The following ATP2B2 variants were observed in gnomAD, a reference collection of about 807,000 sequenced individuals.
ATP2B2 encodes the protein ATPase plasma membrane Ca2+ transporting 2, also known as plasma membrane calcium-transporting ATPase 2.
ATP2B2 carries 15 observed loss-of-function variants against 120.0 expected under a neutral mutation model. The ratio of observed to expected loss-of-function variants is 0.12; its 90% CI spans 0.08 to 0.19. The LOEUF (loss-of-function observed/expected upper bound fraction) is 0.19, where lower values mean the gene tolerates loss of function less well. ATP2B2 is among the 10% of genes least tolerant of loss of function. The pLI, the probability that ATP2B2 is intolerant of heterozygous loss-of-function variation, is 1.00. For synonymous variants in ATP2B2, 694 were observed against 700.3 expected (o/e 0.99, Z 0.14); for missense variants, 1,045 against 1,719.8 (o/e 0.61, Z 6.94).
chr3:10,548,503 T>A (rs1205075007), intron 2 of ATP2B2, among the ~76,000 whole-genome samples: 1 of 152,194 alleles, frequency 6.6e-6, no homozygotes, highest in Non-Finnish European at 1.5e-5. Context: ...TCTCAGCTAA[T>A]GATTGATGGG....
At chr3:10,581,198 A>C (rs1341081902) in intron 2 of ATP2B2, among the ~76,000 whole-genome samples, 2 of 152,232 alleles carry the variant, frequency 1.3e-5, no homozygotes, top group African/African-American at 2.4e-5. Context: ...TCTGCAACAG[A>C]TTCTATTGCA....
intron 2 of ATP2B2, among the ~76,000 whole-genome samples, chr3:10,540,451 A>C (rs938515675): frequency 2.0e-5 from 3 of 152,188 alleles, no homozygotes; most frequent in African/African-American, 7.2e-5. Flanking sequence ...TCACAATATC[A>C]AAGACTTGGA....
At chr3:10,422,466 G>A (rs2063014175) in intron 2 of ATP2B2, among the ~76,000 whole-genome samples, 1 of 152,200 alleles carries the variant, frequency 6.6e-6, no homozygotes, top group Non-Finnish European at 1.5e-5. Context: ...TGGGCAAGGT[G>A]CAGGGTAAGG....
At chr3:10,338,586 T>C (rs1346969098) in intron 21 of ATP2B2, 1 of 555,376 alleles carries the variant, frequency 1.8e-6, no homozygotes, top group African/African-American at 2.0e-5. Flanking sequence ...CAGGCTGGAG[T>C]GCAATTTGCT....
intron 2 of ATP2B2, among the ~76,000 whole-genome samples, chr3:10,438,807 C>A (rs191247631): frequency 6.6e-6 from 1 of 152,342 alleles, no homozygotes; most frequent in Admixed American, 6.5e-5. Context: ...GTCCTACTAG[C>A]ATTCGAGACG....
chr3:10,557,354 G>C (rs1373759244), intron 2 of ATP2B2, among the ~76,000 whole-genome samples: 2 of 152,250 alleles, frequency 1.3e-5, no homozygotes, highest in East Asian at 3.8e-4. Context: ...TGCTTTGCCA[G>C]ATGGGCTTGG....
chr3:10,365,587 AGAGT>A (rs1273342154), intron 12 of ATP2B2, among the ~76,000 whole-genome samples: 1 of 148,192 alleles, frequency 6.7e-6, no homozygotes, highest in African/African-American at 2.5e-5. Flanking sequence ...TCACCAGTGC[AGAGT>A]GTGTGTGTGT....
At chr3:10,335,122 C>T (rs187687170) in intron 22 of ATP2B2, among the ~76,000 whole-genome samples, 4 of 152,264 alleles carry the variant, frequency 2.6e-5, no homozygotes, top group Admixed American at 2.6e-4. Context: ...AGGAGATGAG[C>T]TTGGCAGGAG....
At chr3:10,650,116 G>A (rs1305956715) in intron 1 of ATP2B2, among the ~76,000 whole-genome samples, 1 of 152,216 alleles carries the variant, frequency 6.6e-6, no homozygotes, top group African/African-American at 2.4e-5. Flanking sequence ...AGTTTGGAGG[G>A]CTCAGAAGAA....
intron 1 of ATP2B2, among the ~76,000 whole-genome samples, chr3:10,486,326 T>TGC (rs1553616079): frequency 1.1e-4 from 12 of 104,992 alleles, no homozygotes; most frequent in African/African-American, 3.7e-4. Flanking sequence ...TGTGCGTGCG[T>TGC]GTGTGTGTGT....
In ATP2B2 at chr3:10,432,378, A is replaced by G. The variant is rs1041957317; in HGVS notation, c.199+16967T>C. 1.1e-4 allele frequency among the ~76,000 whole-genome samples: 17 copies of G among 152,296 alleles called. No individual in the cohort carries two copies. The East Asian group carries it at 3.3e-3, about 29-fold the overall frequency. On this transcript the variant is annotated intron_variant, in intron 2 of 22. Transcript: ENST00000360273. ...CCTGAAGCCTGGCAGGCTCCCAGAG[A>G]TGGTACTTGTTAGACAATTTAGGAA... is the stretch of plus-strand genomic sequence containing the variant.
chr3:10,435,679 C>T (rs1366076825), intron 2 of ATP2B2, among the ~76,000 whole-genome samples: 1 of 152,064 alleles, frequency 6.6e-6, no homozygotes, highest in East Asian at 1.9e-4. Context: ...AGCTCATTTA[C>T]TTACACTCTG....
chr3:10,462,354 A>G (rs2064528242), intron 1 of ATP2B2, among the ~76,000 whole-genome samples: 1 of 152,144 alleles, frequency 6.6e-6, no homozygotes, highest in Non-Finnish European at 1.5e-5. Flanking sequence ...CCCAGGAAGC[A>G]TCAGCATAAA....
At chr3:10,626,863 GAGACACAC>G (rs1559493842) in intron 1 of ATP2B2, 2 of 105,390 alleles carry the variant, frequency 1.9e-5, no homozygotes, top group African/African-American at 3.9e-5. Context: ...GACTGGTAGT[GAGACACAC>G]ACACACACAC....
intron 14 of ATP2B2, among the ~76,000 whole-genome samples, chr3:10,352,434 G>A (rs918262574): frequency 6.6e-6 from 1 of 152,224 alleles, no homozygotes; most frequent in Non-Finnish European, 1.5e-5. Flanking sequence ...AGGAACGGAT[G>A]CTCTAGAGGG....
At chr3:10,495,938 T>C (rs2066130382) in intron 1 of ATP2B2, among the ~76,000 whole-genome samples, 1 of 152,022 alleles carries the variant, frequency 6.6e-6, no homozygotes, top group South Asian at 2.1e-4. Flanking sequence ...CCAGCAGGAG[T>C]TGTTTCTGGA....
At chr3:10,617,847 G>A (rs1428268460) in intron 2 of ATP2B2, among the ~76,000 whole-genome samples, 2 of 151,570 alleles carry the variant, frequency 1.3e-5, no homozygotes, top group African/African-American at 4.8e-5. Flanking sequence ...AAGGGAGCAC[G>A]AGCTGGTGTG....
intron 1 of ATP2B2, among the ~76,000 whole-genome samples, chr3:10,464,231 G>A (rs1005782851): frequency 5.9e-5 from 9 of 152,128 alleles, no homozygotes; most frequent in Non-Finnish European, 1.2e-4. Context: ...ACTCCCCAGC[G>A]CAGCCGAGTC....
chr3:10,527,497 G>A (rs2067121404), intron 3 of ATP2B2, among the ~76,000 whole-genome samples: 1 of 152,164 alleles, frequency 6.6e-6, no homozygotes, highest in African/African-American at 2.4e-5. Flanking sequence ...GCTGGGTGAG[G>A]CCAGAGACAG....
Sources: allele counts gnomAD v4.1 joint callset (sites outside exome capture counted in the v4.1 genomes callset), GRCh38; gene constraint gnomAD v4.1.1; transcripts MANE v1.5; gene names NCBI Gene and HGNC (gene_info 2026-07-23, HGNC 2026-07-21).